FGF13: variants seen among roughly 807,000 people sequenced by gnomAD.
FGF13 encodes fibroblast growth factor homologous factor 2.
FGF13 carries 2 observed loss-of-function variants against 19.5 expected under a neutral mutation model. The ratio of observed to expected loss-of-function variants is 0.10; its 90% CI spans 0.04 to 0.32. FGF13 has a LOEUF of 0.32. FGF13 is among the 10% of genes least tolerant of loss of function. The pLI, the probability that FGF13 is intolerant of heterozygous loss-of-function variation, is 1.00. For synonymous variants in FGF13, 72 were observed against 76.9 expected (o/e 0.94, Z 0.33); for missense variants, 113 against 192.7 (o/e 0.59, Z 2.45).
chrX:138,898,114 T>C (rs571196), intron 1 of FGF13, among the ~76,000 whole-genome samples: 12,959 of 110,613 alleles, frequency 0.12, 626 homozygotes, highest in Middle Eastern at 0.19. Flanking sequence ...TATTTGCTCT[T>C]CTATTTAAAA....
At chrX:139,047,794 C>T (rs909151166) in intron 1 of FGF13, among the ~76,000 whole-genome samples, 3 of 111,669 alleles carry the variant, frequency 2.7e-5, no homozygotes, top group African/African-American at 9.8e-5. Context: ...GGCAAAAGCA[C>T]GATTATTTTT....
intron 1 of FGF13, among the ~76,000 whole-genome samples, chrX:139,127,018 G>A (rs2083721163): frequency 9.0e-6 from 1 of 111,440 alleles, no homozygotes; most frequent in Non-Finnish European, 1.9e-5. Flanking sequence ...CATGGCTATG[G>A]ACCTTGGCTT....
chrX:139,102,491 C>T (rs2124458544), intron 1 of FGF13, among the ~76,000 whole-genome samples: 1 of 112,129 alleles, frequency 8.9e-6, no homozygotes, highest in Non-Finnish European at 1.9e-5. Flanking sequence ...TTTAGGATCT[C>T]TGAGTCTGTT....
At position 139,005,754 on chromosome X, in the gene FGF13, A is replaced by C. The variant is rs191125645; in HGVS notation, c.-112-141104T>G. On this transcript the variant is annotated intron_variant, in intron 1 of 2. Coordinates refer to the FGF13 transcript ENST00000421460. ...AAAATATTGAAATAAACAAAAAAAAACCAGAAATTCTAAAGTTTAAAAATG... is the reference window on the plus strand; with the variant it reads ...AAAATATTGAAATAAACAAAAAAAACCCAGAAATTCTAAAGTTTAAAAATG... Among the ~76,000 whole-genome samples, 919 of 107,330 alleles carry C rather than the reference A, an allele frequency of 8.6e-3. 18 individuals are homozygous for C. Among genetic ancestry groups the C allele is most frequent in the African/African-American group, 0.028 (825 of 29,525 alleles). The allele number at this position is 107,330 out of a possible 115,157, so 93.2% of individuals were successfully genotyped here.
chrX:138,770,448 C>T (rs760255969), intron 3 of FGF13, among the ~76,000 whole-genome samples: 38 of 110,831 alleles, frequency 3.4e-4, no homozygotes, highest in Admixed American at 8.7e-4. Flanking sequence ...TTCTCCCTCC[C>T]TTCCACCCCC....
intron 1 of FGF13, among the ~76,000 whole-genome samples, chrX:139,105,835 T>C: frequency 8.9e-6 from 1 of 112,356 alleles, no homozygotes; most frequent in Non-Finnish European, 1.9e-5. Context: ...ACCTAAACTT[T>C]TAGAATTGAT....
intron 1 of FGF13, among the ~76,000 whole-genome samples, chrX:138,908,679 T>C (rs183619941): frequency 2.0e-3 from 220 of 111,844 alleles, no homozygotes; most frequent in African/African-American, 6.9e-3. Context: ...CAAGTCACCA[T>C]TACCAGAGTT....
chrX:139,056,057 C>T (rs2092319849), intron 1 of FGF13, among the ~76,000 whole-genome samples: 1 of 112,248 alleles, frequency 8.9e-6, no homozygotes, highest in East Asian at 2.8e-4. Context: ...TTTGCTTTCT[C>T]AATATATTAA....
chrX:138,915,685 T>A (rs17001842), intron 1 of FGF13, among the ~76,000 whole-genome samples: 1,292 of 111,794 alleles, frequency 0.012, 15 homozygotes, highest in African/African-American at 0.038. Flanking sequence ...TCCATGGTCT[T>A]CTCTTCATCA....
intron 1 of FGF13, among the ~76,000 whole-genome samples, chrX:139,195,902 G>T (rs186786457): frequency 2.7e-5 from 3 of 112,175 alleles, no homozygotes; most frequent in Admixed American, 9.4e-5. Flanking sequence ...GTGGAGCTAC[G>T]CTTTGTTGTG....
At chrX:138,980,681 T>TG (rs2091960069) in intron 1 of FGF13, among the ~76,000 whole-genome samples, 1 of 8,698 alleles carries the variant, frequency 1.1e-4, no homozygotes, top group Non-Finnish European at 4.6e-4. Context: ...TGTGGTTTTT[T>TG]TTTTTTTTTT....
chrX:139,147,107 T>G (rs996111271), intron 1 of FGF13, among the ~76,000 whole-genome samples: 5 of 108,724 alleles, frequency 4.6e-5, no homozygotes, highest in African/African-American at 1.7e-4. Flanking sequence ...CCCTAGAACT[T>G]AAAGTATAAT....
At chrX:139,136,795 C>T (rs1465413376) in intron 1 of FGF13, among the ~76,000 whole-genome samples, 1 of 111,835 alleles carries the variant, frequency 8.9e-6, no homozygotes, top group South Asian at 3.7e-4. Context: ...ACACTTTCTG[C>T]CAAGCACATA....
At chrX:138,868,639 G>C (rs1289838120) in intron 1 of FGF13, among the ~76,000 whole-genome samples, 1 of 110,650 alleles carries the variant, frequency 9.0e-6, no homozygotes, top group Non-Finnish European at 1.9e-5. Context: ...AGAGGACTGA[G>C]GTTTCCTCAC....
intron 1 of FGF13, among the ~76,000 whole-genome samples, chrX:138,903,924 G>C (rs2091544585): frequency 9.0e-6 from 1 of 111,452 alleles, no homozygotes; most frequent in Admixed American, 9.6e-5. Flanking sequence ...AGGTGTATAT[G>C]CATGGTAGGT....
intron 3 of FGF13, among the ~76,000 whole-genome samples, chrX:138,637,748 A>G (rs1237027053): frequency 8.9e-6 from 1 of 112,246 alleles, no homozygotes. Context: ...GTGTGCTACC[A>G]TAAGGAAAGA....
At chrX:138,996,884 G>T (rs2092045641) in intron 1 of FGF13, among the ~76,000 whole-genome samples, 1 of 111,874 alleles carries the variant, frequency 8.9e-6, no homozygotes, top group African/African-American at 3.3e-5. Context: ...AGCCTGACTG[G>T]GATACACCTC....
intron 1 of FGF13, among the ~76,000 whole-genome samples, chrX:139,088,002 G>A (rs1485180071): frequency 8.9e-6 from 1 of 111,887 alleles, no homozygotes; most frequent in Non-Finnish European, 1.9e-5. Context: ...ACATGAGGGA[G>A]GCAGCAAGGA....
intron 1 of FGF13, among the ~76,000 whole-genome samples, chrX:138,925,597 C>T (rs1438041894): frequency 2.7e-5 from 3 of 111,410 alleles, no homozygotes; most frequent in Non-Finnish European, 5.6e-5. Flanking sequence ...CAGCACAAAG[C>T]AGCTGTGGCT....
Sources: gnomAD v4.1 joint callset for allele counts (sites outside exome capture counted in the v4.1 genomes callset) on GRCh38, gnomAD v4.1.1 for gene constraint, MANE v1.5 for transcripts, NCBI Gene and HGNC (gene_info 2026-07-23, HGNC 2026-07-21) for gene names.